Variants in PLEKHA5 observed in about 807,000 individuals in gnomAD.
PLEKHA5 encodes pleckstrin homology domain-containing family A member 5.
PLEKHA5 carries 55 observed loss-of-function variants against 181.9 expected under a neutral mutation model. The ratio of observed to expected loss-of-function variants is 0.30; its 90% CI spans 0.24 to 0.38. PLEKHA5 has a LOEUF of 0.38. Among genes scored for constraint, PLEKHA5 ranks in the 10% least tolerant of loss-of-function variants. The probability of loss-of-function intolerance (pLI) is 1.00; values close to 1 mark genes in which losing one functional copy is unlikely to be tolerated. For synonymous variants in PLEKHA5, 535 were observed against 529.4 expected (o/e 1.01, Z -0.15); for missense variants, 1,432 against 1,549.5 (o/e 0.92, Z 1.27).
At chr12:19,370,588 A>G (rs576368938) in intron 31 of PLEKHA5, 1 of 152,284 alleles carries the variant, frequency 6.6e-6, no homozygotes, top group African/African-American at 2.4e-5. Context: ...ATATCTAGTA[A>G]GTTTGGTGCT....
chr12:19,374,798 A>G (rs1254805255), intron 31 of PLEKHA5, among the ~76,000 whole-genome samples: 1 of 149,786 alleles, frequency 6.7e-6, no homozygotes, highest in Admixed American at 6.7e-5. Context: ...CTACTAAAAT[A>G]CAAAAAATTA....
chr12:19,183,742 C>T (rs1375412315), intron 3 of PLEKHA5, among the ~76,000 whole-genome samples: 1 of 152,076 alleles, frequency 6.6e-6, no homozygotes, highest in Non-Finnish European at 1.5e-5. Flanking sequence ...GAGATGGAGT[C>T]TTGCTCTATT....
intron 3 of PLEKHA5, among the ~76,000 whole-genome samples, chr12:19,141,792 C>T (rs1007896813): frequency 1.3e-5 from 2 of 151,962 alleles, no homozygotes; most frequent in African/African-American, 4.8e-5. Flanking sequence ...GTGGAAACCT[C>T]ACCCTGCTAG....
chr12:19,218,153 T>A (rs962251942), intron 3 of PLEKHA5, among the ~76,000 whole-genome samples: 1 of 152,108 alleles, frequency 6.6e-6, no homozygotes, highest in Non-Finnish European at 1.5e-5. Context: ...TTAAGAATAG[T>A]TGAAAAATCA....
At position 19,130,434 on chromosome 12, in the gene PLEKHA5, T is replaced by TC. The variant is rs962044627; in HGVS notation, c.169+308dup. Among the ~76,000 whole-genome samples, 7 of 149,738 alleles carry TC rather than the reference T, an allele frequency of 4.7e-5. No individual in the cohort carries two copies. The highest frequency in any genetic ancestry group is 1.7e-4 in the African/African-American group (7 of 40,430). On this transcript the variant is annotated intron_variant, in intron 2 of 31. Transcript: ENST00000429027. The surrounding 1 kb of genome is among the most constrained non-coding windows in gnomAD (Gnocchi z 4.5). ...CCTCGCGACCCTAGAGTGGCGACGC[T>TC]CCCCTCCCTGAAACCTGGAGTCCTG... is the stretch of plus-strand genomic sequence containing the variant.
chr12:19,193,581 T>A (rs936998980), intron 3 of PLEKHA5, among the ~76,000 whole-genome samples: 7 of 152,116 alleles, frequency 4.6e-5, no homozygotes, highest in Non-Finnish European at 8.8e-5. Flanking sequence ...GGGCCTTCAG[T>A]GTGCATCTAT....
chr12:19,310,850 A>G (rs561446215), intron 15 of PLEKHA5, among the ~76,000 whole-genome samples: 2 of 152,218 alleles, frequency 1.3e-5, no homozygotes, highest in South Asian at 4.1e-4. Context: ...TAAATGTGCA[A>G]TAGCATTATG....
intron 15 of PLEKHA5, among the ~76,000 whole-genome samples, chr12:19,310,992 G>T (rs1462822514): frequency 6.6e-6 from 1 of 152,178 alleles, no homozygotes; most frequent in Non-Finnish European, 1.5e-5. Context: ...GGTGGTGGTT[G>T]CTGAAGGTTG....
chr12:19,133,575 A>G (rs1220122092), intron 3 of PLEKHA5, among the ~76,000 whole-genome samples: 1 of 151,988 alleles, frequency 6.6e-6, no homozygotes, highest in Non-Finnish European at 1.5e-5. Context: ...CATTTTTAAG[A>G]TCATGTTATA....
At chr12:19,179,382 C>T (rs147951128) in intron 3 of PLEKHA5, among the ~76,000 whole-genome samples, 2 of 152,236 alleles carry the variant, frequency 1.3e-5, no homozygotes, top group East Asian at 1.9e-4. Context: ...GTTGGCCGGG[C>T]GTGGTGGCTC....
At chr12:19,148,492 G>A (rs2039525821) in intron 3 of PLEKHA5, among the ~76,000 whole-genome samples, 1 of 152,216 alleles carries the variant, frequency 6.6e-6, no homozygotes. Flanking sequence ...TGTGGGCGAC[G>A]GGCCTAGCAG....
chr12:19,309,844 A>G (rs1241104719), intron 15 of PLEKHA5, among the ~76,000 whole-genome samples: 3 of 152,186 alleles, frequency 2.0e-5, no homozygotes, highest in Admixed American at 6.5e-5. Flanking sequence ...TTATATATGC[A>G]AAGTAGTTAG....
At chr12:19,317,454 A>T (rs2089278678) in intron 16 of PLEKHA5, among the ~76,000 whole-genome samples, 1 of 151,984 alleles carries the variant, frequency 6.6e-6, no homozygotes, top group Non-Finnish European at 1.5e-5. Flanking sequence ...CAGTGAAATT[A>T]ATCACCTGAT....
At chr12:19,180,660 A>C (rs752158555) in intron 3 of PLEKHA5, among the ~76,000 whole-genome samples, 22 of 152,328 alleles carry the variant, frequency 1.4e-4, no homozygotes, top group Non-Finnish European at 3.1e-4. Flanking sequence ...TGATTGTTGC[A>C]ATTATATTTC....
chr12:19,210,697 G>A lies in PLEKHA5; in HGVS notation c.228-43243G>A, dbSNP rs139031432. ...CATATTTTCCCTTTGAGGTCACATT[G>A]TCAGAGGCAGGAAAGGAAGAAGTGC... On this transcript the variant is annotated intron_variant, in intron 3 of 31. Transcript: ENST00000429027. 3.3e-3 allele frequency among the ~76,000 whole-genome samples: 495 copies of A among 152,288 alleles called. 2 individuals are homozygous for A. Among genetic ancestry groups the A allele is most frequent in the Admixed American group, 4.8e-3 (73 of 15,298 alleles).
chr12:19,250,156 TAA>T (rs2064887440), intron 3 of PLEKHA5, among the ~76,000 whole-genome samples: 1 of 152,144 alleles, frequency 6.6e-6, no homozygotes, highest in Admixed American at 6.6e-5. Context: ...ACCTATATAT[TAA>T]AAGTCTGGAA....
At chr12:19,308,009 G>C (rs1026514191) in intron 15 of PLEKHA5, among the ~76,000 whole-genome samples, 1 of 151,838 alleles carries the variant, frequency 6.6e-6, no homozygotes, top group African/African-American at 2.4e-5. Context: ...ATAGGGAAAA[G>C]GACCAGGAAA....
intron 3 of PLEKHA5, among the ~76,000 whole-genome samples, chr12:19,248,716 A>G (rs2064425325): frequency 6.6e-6 from 1 of 152,276 alleles, no homozygotes; most frequent in African/African-American, 2.4e-5. Flanking sequence ...ATGTTCACAC[A>G]ACTAAAATCA....
chr12:19,370,931 C>T (rs899887993), intron 31 of PLEKHA5: 1 of 152,014 alleles, frequency 6.6e-6, no homozygotes, highest in Non-Finnish European at 1.5e-5. Flanking sequence ...TCAAGCTACC[C>T]TCCCACTGCA....
Sources: gnomAD v4.1 joint callset for allele counts (sites outside exome capture counted in the v4.1 genomes callset) on GRCh38, gnomAD v4.1.1 for gene constraint, Gnocchi (gnomAD v3.1) non-coding constraint, MANE v1.5 for transcripts, NCBI Gene and HGNC (gene_info 2026-07-23, HGNC 2026-07-21) for gene names.